Variants in DOCK4 observed in about 807,000 individuals in gnomAD.
The protein encoded by DOCK4 is dedicator of cytokinesis protein 4.
A neutral mutation model predicts 268.1 loss-of-function variants in DOCK4; 97 were observed. The observed-to-expected ratio is 0.36, with a 90% CI of 0.31 to 0.43. The LOEUF is 0.43. DOCK4 is among the 20% of genes least tolerant of loss of function. The pLI is 1.00. For synonymous variants in DOCK4, 954 were observed against 887.2 expected (o/e 1.08, Z -1.34); for missense variants, 2,145 against 2,455.7 (o/e 0.87, Z 2.67).
chr7:111,935,761 C>T lies in DOCK4; in HGVS notation c.978-133G>A, dbSNP rs147723638. The T allele has an allele frequency of 1.2e-4, 88 of 716,332 alleles. 2 individuals are homozygous for T. The East Asian group carries it at 2.2e-3, about 18-fold the overall frequency. 44.4% of individuals were successfully genotyped at this position (716,332 alleles called of 1,614,324 possible). On this transcript the variant is annotated intron_variant, in intron 11 of 52. Transcript: ENST00000428084. Reference sequence around the variant, plus strand: ...TGAGGTCCCCATCAACCTGCTGCAACTGACTGTCAGTTTTAGCATGGTTGT... The same window carrying T: ...TGAGGTCCCCATCAACCTGCTGCAATTGACTGTCAGTTTTAGCATGGTTGT...
At chr7:112,188,129 A>G (rs1819626659) in intron 1 of DOCK4, among the ~76,000 whole-genome samples, 1 of 152,248 alleles carries the variant, frequency 6.6e-6, no homozygotes, top group Non-Finnish European at 1.5e-5. Context: ...GAATTGCCCA[A>G]GGGCTTCAAG....
chr7:112,158,691 C>T (rs953904719), intron 1 of DOCK4, among the ~76,000 whole-genome samples: 1 of 152,136 alleles, frequency 6.6e-6, no homozygotes, highest in Admixed American at 6.6e-5. Flanking sequence ...GAAACTATCA[C>T]TTTTAATATA....
At chr7:112,016,585 T>C (rs1801827366) in intron 1 of DOCK4, among the ~76,000 whole-genome samples, 2 of 152,222 alleles carry the variant, frequency 1.3e-5, no homozygotes, top group Non-Finnish European at 2.9e-5. Flanking sequence ...CTTGCAACCT[T>C]AGCCATTTCT....
Position 111,977,293 on chromosome 7 carries a change from AC to A in DOCK4, c.550-11del. 2.5e-6 allele frequency: 4 copies of A among 1,581,626 alleles called. No homozygotes were observed. Among genetic ancestry groups the A allele is most frequent in the Non-Finnish European group, 3.4e-6 (4 of 1,163,616 alleles). On this transcript the variant is annotated splice_polypyrimidine_tract_variant and intron_variant, in intron 7 of 52. Coordinates refer to ENST00000428084, the MANE Select transcript of DOCK4 (RefSeq NM_001363540.2). The stretch of plus-strand genomic sequence containing the variant: ...GATGTCGATGTTCCATCTGAATGAC[AC>A]CCCCCAACAAAAACATGATCAGCAT...
chr7:111,923,643 G>A (rs970958465), intron 12 of DOCK4, among the ~76,000 whole-genome samples: 6 of 151,780 alleles, frequency 4.0e-5, no homozygotes, highest in African/African-American at 1.5e-4. Flanking sequence ...TCTTTTATCT[G>A]CACATTTTAT....
chr7:111,766,577 A>G (rs139254148), intron 38 of DOCK4, among the ~76,000 whole-genome samples: 1 of 152,318 alleles, frequency 6.6e-6, no homozygotes, highest in Non-Finnish European at 1.5e-5. Context: ...ACGTTGATCT[A>G]AGTCCAGCAA....
At chr7:111,787,420 T>C (rs1040185192) in intron 32 of DOCK4, among the ~76,000 whole-genome samples, 9 of 152,182 alleles carry the variant, frequency 5.9e-5, no homozygotes, top group African/African-American at 2.2e-4. Context: ...TCTTGGTGAA[T>C]AATTATGAAA....
intron 9 of DOCK4, 38 bp downstream of exon 9, chr7:111,945,679 G>C: frequency 6.7e-7 from 1 of 1,490,924 alleles, no homozygotes; most frequent in Non-Finnish European, 9.2e-7. Context: ...ATCATAACTG[G>C]ATGAATCTGC....
chr7:111,727,447 C>T lies in DOCK4; in HGVS notation c.*827G>A, dbSNP rs914427530. ...TAATGGGGCACAGTCATTTGTGCCT[C>T]ATTAATACTTCAGCATTTGCTCTTG... On this transcript the variant is annotated 3_prime_UTR_variant, in exon 53 of 53. Transcript: ENST00000428084. 1.3e-5 allele frequency: 2 copies of T among 152,508 alleles called. No homozygotes were observed. The highest frequency in any genetic ancestry group is 2.9e-5 in the Non-Finnish European group (2 of 68,030). 9.4% of individuals were successfully genotyped at this position (152,508 alleles called of 1,614,324 possible).
rs568006198 is a variant in DOCK4 at position 111,741,581 on chromosome 7, A to G, written c.4878T>C (p.Ala1626=). ...SPRVCRNSAP[A]SVSPDGTRVI... ...CCCTGGTACCATCTGGGCTCACAGAAGCAGGTGCTGAGTTTCTACACACAC... is the reference window on the plus strand; with the variant it reads ...CCCTGGTACCATCTGGGCTCACAGAGGCAGGTGCTGAGTTTCTACACACAC... The change falls in exon 46 of 53, where the codon GCT becomes GCC. Residue 1626 remains alanine, a synonymous_variant. Transcript: ENST00000428084. 7 of 1,613,642 alleles carry G rather than the reference A, an allele frequency of 4.3e-6. No homozygotes were observed. The South Asian group carries it at 7.7e-5, about 18-fold the overall frequency.
intron 8 of DOCK4, among the ~76,000 whole-genome samples, chr7:111,963,297 G>C (rs563744593): frequency 0.016 from 2,397 of 146,460 alleles, 36 homozygotes; most frequent in Middle Eastern, 0.034. Context: ...CTGAGGTACC[G>C]GGTTCATCTC....
rs1187153568 is a variant in DOCK4 at position 111,769,604 on chromosome 7, G to A, written c.3753C>T (p.Thr1251=). The part of the protein sequence containing the change: ...WSDRPLREFL[T]YPMQTEWQRK... ...GCTGCCATTCTGTTTGCATGGGGTAGGTCAGGAACTCCCTGAGGGGCCGAT... is the reference window on the plus strand; with the variant it reads ...GCTGCCATTCTGTTTGCATGGGGTAAGTCAGGAACTCCCTGAGGGGCCGAT... Residue 1251 remains threonine (T), a synonymous_variant, in exon 37 of 53, where the codon ACC becomes ACT. Coordinates refer to ENST00000428084, the MANE Select transcript of DOCK4 (RefSeq NM_001363540.2). The A allele has an allele frequency of 6.2e-7, 1 of 1,613,656 alleles. No individual in the cohort carries two copies. The highest frequency in any genetic ancestry group is 8.5e-7 in the Non-Finnish European group (1 of 1,179,826).
chr7:111,857,369 A>G (rs1378231121), intron 23 of DOCK4, among the ~76,000 whole-genome samples: 2 of 152,176 alleles, frequency 1.3e-5, no homozygotes, highest in Non-Finnish European at 2.9e-5. Context: ...TCTGCCAAAA[A>G]GAAAAACAAT....
chr7:111,989,903 A>C (rs572168382), intron 5 of DOCK4, among the ~76,000 whole-genome samples: 2 of 152,322 alleles, frequency 1.3e-5, no homozygotes, highest in African/African-American at 4.8e-5. Flanking sequence ...TTCTTTCTGC[A>C]AGGCTGTTTT....
At chr7:112,103,645 G>T (rs1456843966) in intron 1 of DOCK4, among the ~76,000 whole-genome samples, 3 of 152,196 alleles carry the variant, frequency 2.0e-5, no homozygotes, top group African/African-American at 7.2e-5. Flanking sequence ...ACTTTGGGAG[G>T]CCGAAGCAGA....
At chr7:112,008,752 G>A (rs992640595) in intron 1 of DOCK4, among the ~76,000 whole-genome samples, 2 of 152,242 alleles carry the variant, frequency 1.3e-5, no homozygotes, top group African/African-American at 4.8e-5. Context: ...CCAGCACTTT[G>A]CGGGGCCGAG....
In DOCK4 at chr7:111,767,042, C is replaced by T. The variant is rs926636136; in HGVS notation, c.3905G>A (p.Ser1302Asn). 6.2e-7 allele frequency: 1 copy of T among 1,613,558 alleles called. No homozygotes were observed. The highest frequency in any genetic ancestry group is 8.5e-7 in the Non-Finnish European group (1 of 1,179,628). ...YESYYDYRNL[S>N]KMRMMEASLY... ...ATCCAGGCACCTTACCCGCATCTTG[C>T]TCAGGTTTCTGTAGTCATAATAACT... Residue 1302 changes from serine (S) to asparagine (N), a missense_variant, in exon 38 of 53, where the codon AGC becomes AAC. By Grantham distance (46) the Ser-to-Asn change is conservative. Around this residue, in one of 2 missense-constraint regions of DOCK4, gnomAD observed 1,598 missense variants for 1,986.7 expected, o/e 0.80. Transcript: ENST00000428084.
At chr7:111,841,646 A>T (rs1563576760) in intron 25 of DOCK4, among the ~76,000 whole-genome samples, 2 of 152,040 alleles carry the variant, frequency 1.3e-5, no homozygotes, top group African/African-American at 2.4e-5. Flanking sequence ...GGAAAATTTC[A>T]CCCCACACAC....
intron 27 of DOCK4, chr7:111,821,062 C>T (rs1801936610): frequency 6.6e-6 from 1 of 152,180 alleles, no homozygotes; most frequent in Non-Finnish European, 1.5e-5. Context: ...GGAAAAGCTG[C>T]TTCTGTACTT....
Sources: allele counts gnomAD v4.1 joint callset (sites outside exome capture counted in the v4.1 genomes callset), GRCh38; gene constraint gnomAD v4.1.1; regional missense constraint gnomAD v4.1.1; transcripts MANE v1.5; gene names NCBI Gene and HGNC (gene_info 2026-07-23, HGNC 2026-07-21).